The following ARL13B variants were observed in gnomAD, a reference collection of about 807,000 sequenced individuals.
ARL13B encodes ADP-ribosylation factor-like protein 13B.
In ARL13B, 36 loss-of-function variants were observed where a neutral mutation model predicts 56.1. The ratio of observed to expected loss-of-function variants is 0.64; its 90% CI spans 0.49 to 0.85. The LOEUF (loss-of-function observed/expected upper bound fraction) is 0.85, where lower values mean the gene tolerates loss of function less well. Among genes scored for constraint, ARL13B ranks in the 40% least tolerant of loss-of-function variants. The pLI is 0.00. For synonymous variants in ARL13B, 178 were observed against 171.1 expected, an observed-to-expected ratio of 1.04 and a Z score of -0.32; for missense variants, 519 against 507.1, an observed-to-expected ratio of 1.02 and a Z score of -0.23.
intron 5 of ARL13B, among the ~76,000 whole-genome samples, chr3:94,037,741 G>A (rs1451703505): frequency 6.6e-6 from 1 of 151,770 alleles, no homozygotes; most frequent in Non-Finnish European, 1.5e-5. Flanking sequence ...CCATAATTAT[G>A]TGAAAACTCC....
chr3:93,993,503 C>T (rs1477616006), intron 1 of ARL13B, among the ~76,000 whole-genome samples: 1 of 152,198 alleles, frequency 6.6e-6, no homozygotes, highest in East Asian at 1.9e-4. Flanking sequence ...TCACTACAGC[C>T]TTGACCTGCC....
chr3:94,011,022 T>C (rs1392923734), intron 3 of ARL13B, among the ~76,000 whole-genome samples: 1 of 152,092 alleles, frequency 6.6e-6, no homozygotes, highest in Non-Finnish European at 1.5e-5. Context: ...TAATGTTTCT[T>C]AAATATTTGA....
rs779915814 is a variant in ARL13B, at chr3:94,043,185, A to C, written c.969A>C (p.Ala323=). 3.1e-6 allele frequency: 5 copies of C among 1,613,680 alleles called. No individual in the cohort carries two copies. The highest frequency in any genetic ancestry group is 4.2e-6 in the Non-Finnish European group (5 of 1,179,912). The change falls in exon 7 of 10, where the codon GCA becomes GCC. Residue 323 remains alanine (A), a synonymous_variant. Coordinates refer to ENST00000394222, the MANE Select transcript of ARL13B (RefSeq NM_001174150.2). ...GACTAGTAGAAAATTATAAGGAGGC[A>C]TTAACACAGCAGTTAAAGAATGAAG... ...EFGLVENYKE[A]LTQQLKNEDE... is the part of the protein sequence containing the mutation.
chr3:94,011,015 T>C (rs926682046), intron 3 of ARL13B, among the ~76,000 whole-genome samples: 2 of 152,124 alleles, frequency 1.3e-5, no homozygotes, highest in African/African-American at 2.4e-5. Flanking sequence ...TTTTTAATAA[T>C]GTTTCTTAAA....
In ARL13B at chr3:93,980,197, C is replaced by G. The variant is rs1344078583; in HGVS notation, c.-227C>G. ...TCCCGCTAACTCGGCTACGGTGTATCTGCGTCTTTGGTCAGGTTGTTCCTT... is the reference window on the plus strand; with the variant it reads ...TCCCGCTAACTCGGCTACGGTGTATGTGCGTCTTTGGTCAGGTTGTTCCTT... On this transcript the variant is annotated 5_prime_UTR_variant, in exon 1 of 10. It adds an upstream start codon to the 5' untranslated region. Transcript: ENST00000394222. 1 of 697,672 alleles carries G rather than the reference C, an allele frequency of 1.4e-6. No individual in the cohort carries two copies. The highest frequency in any genetic ancestry group is 2.6e-6 in the Non-Finnish European group (1 of 385,072). The allele number at this position is 697,672 out of a possible 1,614,324, so 43.2% of individuals were successfully genotyped here.
chr3:94,039,206 A>C (rs1266305558), intron 5 of ARL13B, among the ~76,000 whole-genome samples: 1 of 152,188 alleles, frequency 6.6e-6, no homozygotes, highest in Admixed American at 6.5e-5. Flanking sequence ...ATTAATAAGA[A>C]TAATTACTAT....
At position 94,054,783 on chromosome 3, in the gene ARL13B, G is replaced by A. The variant is rs2077118105; in HGVS notation, c.*1520G>A. 5.0e-6 allele frequency: 2 copies of A among 402,936 alleles called. No individual in the cohort carries two copies. The highest frequency in any genetic ancestry group is 2.1e-5 in the African/African-American group (1 of 47,964). The allele number at this position is 402,936 out of a possible 1,614,324, so 25.0% of individuals were successfully genotyped here. ...GGACTTAGCAACCACACTGAGTGAGGTAAAAGCATTTGATTTCAGATCTAA... is the reference window on the plus strand; with the variant it reads ...GGACTTAGCAACCACACTGAGTGAGATAAAAGCATTTGATTTCAGATCTAA... On this transcript the variant is annotated 3_prime_UTR_variant, in exon 10 of 10. Transcript: ENST00000394222.
chr3:93,980,502 C>G lies in ARL13B; in HGVS notation c.59+20C>G, dbSNP rs757994933. 1.2e-6 allele frequency: 2 copies of G among 1,608,494 alleles called. No individual in the cohort carries two copies. The highest frequency in any genetic ancestry group is 1.7e-6 in the Non-Finnish European group (2 of 1,179,918). ...TGTCAGGTAGGCTGGAGCCAGCTGT[C>G]CTGGCCGTCCTAGGGGTTGGAGATG... On this transcript the variant is annotated intron_variant, in intron 1 of 9. Coordinates refer to ENST00000394222, the MANE Select transcript of ARL13B (RefSeq NM_001174150.2).
intron 1 of ARL13B, among the ~76,000 whole-genome samples, chr3:93,992,797 T>G (rs1183118136): frequency 1.3e-5 from 2 of 151,984 alleles, no homozygotes. Flanking sequence ...TCATTGTGTT[T>G]TATTTTATTT....
intron 3 of ARL13B, among the ~76,000 whole-genome samples, chr3:94,007,040 T>C (rs968257755): frequency 5.9e-5 from 9 of 152,170 alleles, no homozygotes; most frequent in Non-Finnish European, 8.8e-5. Flanking sequence ...GGACCACTCA[T>C]ATGCCAAATA....
intron 3 of ARL13B, among the ~76,000 whole-genome samples, chr3:94,006,526 CTG>C (rs923085573): frequency 5.3e-5 from 8 of 152,042 alleles, no homozygotes; most frequent in African/African-American, 1.7e-4. Flanking sequence ...CTCTAATCAC[CTG>C]TGTTGCTGAT....
At chr3:93,985,834 C>T (rs1178278573) in intron 1 of ARL13B, among the ~76,000 whole-genome samples, 1 of 152,158 alleles carries the variant, frequency 6.6e-6, no homozygotes, top group Non-Finnish European at 1.5e-5. Flanking sequence ...CCTATCAAAG[C>T]TTTACTTCAA....
At position 94,024,565 on chromosome 3, in the gene ARL13B, C is replaced by A. The variant is rs550566413; in HGVS notation, c.381-10766C>A. Reference sequence around the variant, plus strand: ...CTAATGTTTTTATGACTGGAAAGATCTTTGTCCTTTTTTGGGCGTGTTGTT... The same window carrying A: ...CTAATGTTTTTATGACTGGAAAGATATTTGTCCTTTTTTGGGCGTGTTGTT... On this transcript the variant is annotated intron_variant, in intron 3 of 9. Transcript: ENST00000394222. Among the ~76,000 whole-genome samples the A allele has an allele frequency of 5.9e-5, 9 of 152,180 alleles. No homozygotes were observed. In the South Asian group the frequency reaches 1.9e-3, roughly 32 times the overall value.
intron 1 of ARL13B, among the ~76,000 whole-genome samples, chr3:93,990,640 A>T (rs1372011997): frequency 6.6e-6 from 1 of 152,134 alleles, no homozygotes; most frequent in Admixed American, 6.5e-5. Context: ...TGGACTAGGG[A>T]TGCTCATTTA....
chr3:93,982,054 T>C (rs1326612649), intron 1 of ARL13B, among the ~76,000 whole-genome samples: 1 of 152,174 alleles, frequency 6.6e-6, no homozygotes, highest in East Asian at 1.9e-4. Flanking sequence ...TTGGTTTCTG[T>C]GAAGGCATGT....
intron 3 of ARL13B, among the ~76,000 whole-genome samples, chr3:94,029,581 T>C (rs1429081027): frequency 6.6e-6 from 1 of 151,722 alleles, no homozygotes; most frequent in African/African-American, 2.4e-5. Flanking sequence ...CCTCAGGTGA[T>C]CCACCTGCCT....
intron 8 of ARL13B, 60 bp downstream of exon 8, chr3:94,049,582 A>G (rs965896849): frequency 2.0e-4 from 229 of 1,157,274 alleles, no homozygotes; most frequent in African/African-American, 6.2e-5. Context: ...CAGAGAAAAA[A>G]AAAAAGAAAA....
chr3:94,041,818 T>C (rs2076867875), intron 6 of ARL13B, among the ~76,000 whole-genome samples: 1 of 152,182 alleles, frequency 6.6e-6, no homozygotes, highest in Non-Finnish European at 1.5e-5. Context: ...CTCACGCCTG[T>C]AATCCCAGCA....
intron 3 of ARL13B, chr3:94,014,476 T>G (rs755079186): frequency 6.2e-7 from 1 of 1,607,786 alleles, no homozygotes; most frequent in South Asian, 1.1e-5. Context: ...AAATTTCTCT[T>G]TAGTATTGTT....
Sources: allele counts gnomAD v4.1 joint callset (sites outside exome capture counted in the v4.1 genomes callset), GRCh38; gene constraint gnomAD v4.1.1; transcripts MANE v1.5; gene names NCBI Gene and HGNC (gene_info 2026-07-23, HGNC 2026-07-21).